Variants in MIR2052HG observed in about 807,000 individuals in gnomAD.
The protein encoded by MIR2052HG is MIR2052 host gene.
chr8:74,738,550 C>A (rs1053658099), intron 4 of MIR2052HG, among the ~76,000 whole-genome samples: 1 of 152,076 alleles, frequency 6.6e-6, no homozygotes, highest in African/African-American at 2.4e-5. Context: ...ATATCAGAAG[C>A]CATTTTGGTA....
At chr8:74,671,108 G>A (rs1414355423) in intron 2 of MIR2052HG, among the ~76,000 whole-genome samples, 2 of 131,136 alleles carry the variant, frequency 1.5e-5, no homozygotes, top group African/African-American at 7.1e-5. Context: ...ATCAATGAGA[G>A]TGTACGTGTG....
At chr8:74,732,573 T>C (rs1809703469) in intron 4 of MIR2052HG, among the ~76,000 whole-genome samples, 1 of 152,138 alleles carries the variant, frequency 6.6e-6, no homozygotes. Context: ...ATTATTAACA[T>C]ATACACAATA....
intron 2 of MIR2052HG, among the ~76,000 whole-genome samples, chr8:74,672,765 T>G (rs1472012043): frequency 1.3e-5 from 2 of 152,102 alleles, no homozygotes; most frequent in Non-Finnish European, 2.9e-5. Flanking sequence ...TTTCTGCTGT[T>G]TTATTATTTT....
chr8:74,672,338 T>A lies in MIR2052HG; in HGVS notation n.217-30041T>A, dbSNP rs191176103. Among the ~76,000 whole-genome samples, 180 of 152,168 alleles carry A rather than the reference T, an allele frequency of 1.2e-3. 1 individual carries two copies. Among genetic ancestry groups the A allele is most frequent in the African/African-American group, 3.6e-3 (148 of 41,546 alleles). On this transcript the variant is annotated intron_variant and non_coding_transcript_variant, in intron 2 of 6. Transcript: ENST00000523442. ...AGCACAGGAATTCAGTACATTGCTG[T>A]GTAGGTAGTTTGTTGCCCTGGTGAA... is the stretch of plus-strand genomic sequence containing the variant.
In MIR2052HG at chr8:74,706,130, C is replaced by T. The variant is rs116216254; in HGVS notation, n.371+2448C>T. The stretch of plus-strand genomic sequence containing the variant: ...TTGAGCAGGAAGTATTATTGTCTGG[C>T]GTCAGAGCCAGGGCAGGATCCAGCT... On this transcript the variant is annotated intron_variant and non_coding_transcript_variant, in intron 4 of 6. Coordinates refer to ENST00000523442, the Ensembl canonical transcript of MIR2052HG. Among the ~76,000 whole-genome samples the T allele has an allele frequency of 9.6e-3, 1,463 of 152,128 alleles. 20 individuals are homozygous for T. The highest frequency in any genetic ancestry group is 0.032 in the African/African-American group (1,333 of 41,518).
intron 2 of MIR2052HG, among the ~76,000 whole-genome samples, chr8:74,637,932 G>C (rs1808600118): frequency 6.6e-6 from 1 of 152,104 alleles, no homozygotes; most frequent in Non-Finnish European, 1.5e-5. Context: ...TTGACTCTAG[G>C]GATATAGTTT....
chr8:74,727,213 T>C (rs1809646033), intron 4 of MIR2052HG, among the ~76,000 whole-genome samples: 1 of 152,230 alleles, frequency 6.6e-6, no homozygotes, highest in Non-Finnish European at 1.5e-5. Flanking sequence ...TAAAGATTTT[T>C]GTAAGCATAT....
rs575309753 is a variant in MIR2052HG at position 74,604,069 on chromosome 8, A to T, written n.128+4161A>T. On this transcript the variant is annotated intron_variant and non_coding_transcript_variant, in intron 1 of 6. Transcript: ENST00000523442. ...GGCATTAGCAGGTCCAGCAAAAGTGATAATTCTCTCAGGACAATTCCCTTC... is the reference window on the plus strand; with the variant it reads ...GGCATTAGCAGGTCCAGCAAAAGTGTTAATTCTCTCAGGACAATTCCCTTC... The T allele has an allele frequency of 1.4e-4, 134 of 943,742 alleles. No individual in the cohort carries two copies. The East Asian group carries it at 3.0e-3, about 21-fold the overall frequency. 58.5% of individuals were successfully genotyped at this position (943,742 alleles called of 1,614,324 possible).
chr8:74,708,048 G>C (rs1321133868), intron 4 of MIR2052HG, among the ~76,000 whole-genome samples: 1 of 152,014 alleles, frequency 6.6e-6, no homozygotes, highest in Non-Finnish European at 1.5e-5. Context: ...AAAGTAAAGA[G>C]GAAGACCTAG....
intron 4 of MIR2052HG, among the ~76,000 whole-genome samples, chr8:74,740,671 T>C (rs951224125): frequency 6.6e-6 from 1 of 152,168 alleles, no homozygotes; most frequent in African/African-American, 2.4e-5. Flanking sequence ...AAATAGCTTA[T>C]TAAGTACATG....
chr8:74,653,449 G>A (rs1808772925), intron 2 of MIR2052HG, among the ~76,000 whole-genome samples: 1 of 151,962 alleles, frequency 6.6e-6, no homozygotes, highest in Admixed American at 6.6e-5. Context: ...CTAATCCCTG[G>A]CCATGAGATT....
chr8:74,746,606 GT>G (rs5892471), intron 4 of MIR2052HG, among the ~76,000 whole-genome samples: 150,990 of 151,008 alleles, frequency 1, 75,486 homozygotes, highest in East Asian at 1. Context: ...GTGTCAAAGA[GT>G]CGAGGAGGGA....
chr8:74,704,611 CT>C (rs1809390386), intron 4 of MIR2052HG, among the ~76,000 whole-genome samples: 1 of 151,980 alleles, frequency 6.6e-6, no homozygotes, highest in East Asian at 1.9e-4. Flanking sequence ...CAACTTTATT[CT>C]CCTCAGGATC....
intron 4 of MIR2052HG, among the ~76,000 whole-genome samples, chr8:74,752,107 C>T (rs1317743664): frequency 6.6e-6 from 1 of 151,458 alleles, no homozygotes; most frequent in Non-Finnish European, 1.5e-5. Context: ...ATAGTGAAAC[C>T]CCCATTTCTG....
intron 2 of MIR2052HG, among the ~76,000 whole-genome samples, chr8:74,688,065 G>C (rs531854537): frequency 6.6e-6 from 1 of 152,144 alleles, no homozygotes; most frequent in African/African-American, 2.4e-5. Context: ...CTGCTTACAA[G>C]AGAGAACATA....
intron 2 of MIR2052HG, among the ~76,000 whole-genome samples, chr8:74,669,674 G>T (rs957555148): frequency 4.6e-5 from 7 of 152,086 alleles, no homozygotes; most frequent in Admixed American, 1.3e-4. Flanking sequence ...GTACACACCA[G>T]TTCTTTTTCA....
intron 2 of MIR2052HG, among the ~76,000 whole-genome samples, chr8:74,613,565 A>T (rs1175396504): frequency 1.3e-5 from 2 of 152,126 alleles, no homozygotes; most frequent in Non-Finnish European, 2.9e-5. Flanking sequence ...GCTCACTGCA[A>T]CTTCCGCCTC....
intron 5 of MIR2052HG, among the ~76,000 whole-genome samples, chr8:74,754,033 G>T (rs1487523846): frequency 6.6e-6 from 1 of 152,168 alleles, no homozygotes; most frequent in African/African-American, 2.4e-5. Flanking sequence ...TAGGACATGA[G>T]CTCTGAATCA....
intron 4 of MIR2052HG, among the ~76,000 whole-genome samples, chr8:74,719,829 CTTTTTTTTTTTTCTTTTTTCTTTTT>C (rs1200974611): frequency 8.1e-6 from 1 of 124,216 alleles, no homozygotes; most frequent in East Asian, 2.5e-4. Context: ...AGTGCTCCTT[CTTTTTTTTTTTTCTTTTTTCTTTTT>C]TTTTTTTTTT....
Sources: gnomAD v4.1 joint callset for allele counts (sites outside exome capture counted in the v4.1 genomes callset) on GRCh38, gnomAD v4.1.1 for gene constraint, MANE v1.5 for transcripts, NCBI Gene and HGNC (gene_info 2026-07-23, HGNC 2026-07-21) for gene names.